PLEKHA4: variants seen among roughly 807,000 people sequenced by gnomAD.
PLEKHA4 encodes the protein pleckstrin homology domain-containing family A member 4.
Under a neutral mutation model 94.7 loss-of-function variants are expected in PLEKHA4, and 73 were observed. The observed-to-expected ratio is 0.77, with a 90% CI of 0.64 to 0.94. The LOEUF is 0.94. Among genes scored for constraint, PLEKHA4 ranks in the 40% least tolerant of loss-of-function variants. The pLI is 0.00. For synonymous variants in PLEKHA4, 449 were observed against 437.1 expected, an observed-to-expected ratio of 1.03 and a Z score of -0.34; for missense variants, 1,049 against 1,054.1, an observed-to-expected ratio of 1.00 and a Z score of 0.07.
chr19:48,848,038 G>A lies in PLEKHA4; in HGVS notation c.1428C>T (p.Asp476=). 6.2e-7 allele frequency: 1 copy of A among 1,613,488 alleles called. No homozygotes were observed. The highest frequency in any genetic ancestry group is 8.5e-7 in the Non-Finnish European group (1 of 1,179,952). ...ACAGCTGCTGCTGAGCAGACACTCT[G>A]TCCTGCAGGGAGGAAAGGAATTTGT... The part of the protein sequence containing the change: ...EYLLHLGSPQ[D]RVSAQQQLWM... Residue 476 remains aspartate (D), a splice_region_variant and synonymous_variant, in exon 14 of 20, where the codon GAC becomes GAT. Coordinates refer to ENST00000263265, the MANE Select transcript of PLEKHA4 (RefSeq NM_020904.3).
Position 48,861,676 on chromosome 19 carries a change from C to T in PLEKHA4, c.209G>A (p.Arg70His), listed in dbSNP as rs540149131. ...GACGAACCAGCGGCGTTTCCAGAGA[C>T]GGAGCCCCGAGCTGTCCTGGGGAGA... is the stretch of plus-strand genomic sequence containing the variant. ...WLHKQDSSGL[R>H]LWKRRWFVLS... Residue 70 changes from arginine (R) to histidine (H), a missense_variant, in exon 4 of 20, where the codon CGT (arginine) becomes CAT (histidine). Coordinates refer to ENST00000263265, the MANE Select transcript of PLEKHA4 (RefSeq NM_020904.3). 59 of 1,614,028 alleles carry T rather than the reference C, an allele frequency of 3.7e-5. No individual in the cohort carries two copies. The highest frequency in any genetic ancestry group is 1.1e-4 in the East Asian group (5 of 44,876).
intron 8 of PLEKHA4, among the ~76,000 whole-genome samples, chr19:48,858,230 A>G (rs551132674): frequency 6.6e-6 from 1 of 152,206 alleles, no homozygotes; most frequent in African/African-American, 2.4e-5. Context: ...CAGGCAACCA[A>G]CTTGCAAGGT....
rs369054628 is a variant in PLEKHA4, at chr19:48,852,350, C to T, written c.1327-24G>A. Reference sequence around the variant, plus strand: ...TCCTCAGGTTGCATAAAGGGGGAGACATAGGTTAGGTCCCTCTCCCACCAG... The same window carrying T: ...TCCTCAGGTTGCATAAAGGGGGAGATATAGGTTAGGTCCCTCTCCCACCAG... On this transcript the variant is annotated intron_variant, in intron 12 of 19. Coordinates refer to ENST00000263265, the MANE Select transcript of PLEKHA4 (RefSeq NM_020904.3). 1.2e-4 allele frequency: 182 copies of T among 1,570,964 alleles called. No individual in the cohort carries two copies. The African/African-American group carries it at 2.2e-3, about 19-fold the overall frequency.
At chr19:48,857,161 C>T (rs73061627) in intron 9 of PLEKHA4, among the ~76,000 whole-genome samples, 23,836 of 151,972 alleles carry the variant, frequency 0.16, 2,133 homozygotes, top group African/African-American at 0.23. Flanking sequence ...ATAAAAGCTC[C>T]TCCTTAGAAC....
rs140457819 is a variant in PLEKHA4, at chr19:48,845,538, C to A, written c.1645G>T (p.Asp549Tyr). 29 of 1,611,288 alleles carry A rather than the reference C, an allele frequency of 1.8e-5. No homozygotes were observed. Among genetic ancestry groups the A allele is most frequent in the Non-Finnish European group, 2.1e-5 (25 of 1,178,406 alleles). ...TCACCTAAGTGAGGGCTGGCGAGGTCTTTGTCGCCTCCAGGAGGCCGCCCC... is the reference window on the plus strand; with the variant it reads ...TCACCTAAGTGAGGGCTGGCGAGGTATTTGTCGCCTCCAGGAGGCCGCCCC... ...DWGRPPGGDK[D>Y]LASPHLGLGS... Residue 549 changes from aspartate to tyrosine, a missense_variant, in exon 15 of 20, where the codon GAC becomes TAC. Transcript: ENST00000263265.
Position 48,858,867 on chromosome 19 carries a change from C to G in PLEKHA4, c.965G>C (p.Arg322Thr). 6.2e-7 allele frequency: 1 copy of G among 1,613,162 alleles called. No homozygotes were observed. Among genetic ancestry groups the G allele is most frequent in the Middle Eastern group, 1.7e-4 (1 of 6,060 alleles). Reference protein sequence around the residue: ...RSPQHWSQEPRTQAHSGSPTY... With the variant: ...RSPQHWSQEPTTQAHSGSPTY... ...TCTCACCTCTCTGCTCACCTGTGTTCTGGGCTCCTGACTCCAGTGCTGGGG... is the reference window on the plus strand; with the variant it reads ...TCTCACCTCTCTGCTCACCTGTGTTGTGGGCTCCTGACTCCAGTGCTGGGG... The change falls in exon 8 of 20, where the codon AGA (arginine) becomes ACA (threonine). Residue 322 changes from arginine to threonine, a missense_variant. Coordinates refer to ENST00000263265, the MANE Select transcript of PLEKHA4 (RefSeq NM_020904.3).
rs566579812 is a variant in PLEKHA4 at position 48,862,013 on chromosome 19, G to T, written c.193-321C>A. On this transcript the variant is annotated intron_variant, in intron 3 of 19. Transcript: ENST00000263265. ...GTGGTGGCGCGTGCCTGTAGCCCCA[G>T]CTACTCCGGAGGCTGAGGAGGGAGG... Among the ~76,000 whole-genome samples the T allele has an allele frequency of 3.5e-3, 531 of 151,466 alleles. 3 individuals carry two copies. Among genetic ancestry groups the T allele is most frequent in the South Asian group, 8.1e-3 (38 of 4,720 alleles).
At chr19:48,856,910 A>AAAAAAG (rs2036437899) in intron 9 of PLEKHA4, among the ~76,000 whole-genome samples, 3 of 132,410 alleles carry the variant, frequency 2.3e-5, no homozygotes, top group African/African-American at 1.0e-4. Flanking sequence ...AAAAAAAAAA[A>AAAAAAG]AAAAAAGAAA....
chr19:48,841,031 G>A, intron 17 of PLEKHA4, 118 bp downstream of exon 17: 1 of 1,097,620 alleles, frequency 9.1e-7, no homozygotes, highest in Non-Finnish European at 1.3e-6. Flanking sequence ...GGTAAATTCG[G>A]AAATCCAGTT....
chr19:48,854,155 A>G (rs1599899995), intron 10 of PLEKHA4, 62 bp downstream of exon 10: 1 of 1,612,688 alleles, frequency 6.2e-7, no homozygotes, highest in Non-Finnish European at 8.5e-7. Context: ...TCCTCCCATC[A>G]TCTAGAACAT....
At chr19:48,863,059 CGCCTCTGCCTGAACTACTCCACTA>C (rs1410846204) in intron 3 of PLEKHA4, among the ~76,000 whole-genome samples, 26 of 151,754 alleles carry the variant, frequency 1.7e-4, no homozygotes, top group African/African-American at 6.1e-4. Context: ...AACTACTCAT[CGCCTCTGCCTGAACTACTCCACTA>C]ACTATCTCCA....
chr19:48,839,609 C>T (rs1195394345), intron 17 of PLEKHA4, among the ~76,000 whole-genome samples: 1 of 151,856 alleles, frequency 6.6e-6, no homozygotes, highest in Non-Finnish European at 1.5e-5. Context: ...TTAGTAGAGA[C>T]AGAGTCTTGC....
In PLEKHA4 at chr19:48,860,344, A is replaced by G. The variant is rs1374859948; in HGVS notation, c.476+6T>C. On this transcript the variant is annotated splice_donor_region_variant and intron_variant, in intron 6 of 19. Coordinates refer to ENST00000263265, the MANE Select transcript of PLEKHA4 (RefSeq NM_020904.3). ...GGTCAGGAGCATGGCTTGGACCTCT[A>G]CTCACTAGTCGTCCCCCTCCGCACG... The G allele has an allele frequency of 1.2e-5, 20 of 1,610,286 alleles. No individual in the cohort carries two copies. The highest frequency in any genetic ancestry group is 1.5e-5 in the Non-Finnish European group (18 of 1,177,300).
rs1599884205 is a variant in PLEKHA4, at chr19:48,848,814, A to G, written c.1426-774T>C. ...ACTGTCTCAAAAAAAAAAAAAAGAA[A>G]AAGAAAAAACTGTCTTTTCTTTCTA... On this transcript the variant is annotated intron_variant, in intron 13 of 19. Transcript: ENST00000263265. 1.3e-5 allele frequency among the ~76,000 whole-genome samples: 2 copies of G among 152,186 alleles called. 1 individual carries two copies. Among genetic ancestry groups the G allele is most frequent in the African/African-American group, 4.8e-5 (2 of 41,542 alleles).
chr19:48,851,354 C>T lies in PLEKHA4; in HGVS notation c.1425+874G>A, dbSNP rs140199565. 3.4e-3 allele frequency among the ~76,000 whole-genome samples: 518 copies of T among 151,836 alleles called. 1 individual carries two copies. The highest frequency in any genetic ancestry group is 0.012 in the African/African-American group (484 of 41,406). On this transcript the variant is annotated intron_variant, in intron 13 of 19. Transcript: ENST00000263265. Reference sequence around the variant, plus strand: ...GTTGTAGGCCGGGCGCAGTGGCTCACGCCTGTAATCCCAGCACTTTGGGAG... The same window carrying T: ...GTTGTAGGCCGGGCGCAGTGGCTCATGCCTGTAATCCCAGCACTTTGGGAG...
chr19:48,837,935 C>G lies in PLEKHA4; in HGVS notation c.2077+82G>C. ...AAAAATTCTCACCGGCCCCCAGACCCCTCCTCTCCAGGACCTGGGATTCCA... is the reference window on the plus strand; with the variant it reads ...AAAAATTCTCACCGGCCCCCAGACCGCTCCTCTCCAGGACCTGGGATTCCA... On this transcript the variant is annotated intron_variant, in intron 19 of 19. Coordinates refer to ENST00000263265, the MANE Select transcript of PLEKHA4 (RefSeq NM_020904.3). This position sits in a 1 kb window ranked among gnomAD's most constrained non-coding sequence, Gnocchi z 4.3. 1 of 1,175,858 alleles carries G rather than the reference C, an allele frequency of 8.5e-7. No individual in the cohort carries two copies. Among genetic ancestry groups the G allele is most frequent in the South Asian group, 1.3e-5 (1 of 76,528 alleles). 72.8% of individuals were successfully genotyped at this position (1,175,858 alleles called of 1,614,324 possible).
At position 48,861,711 on chromosome 19, in the gene PLEKHA4, G is replaced by C; in HGVS notation, c.193-19C>G. 6.2e-7 allele frequency: 1 copy of C among 1,605,002 alleles called. No individual in the cohort carries two copies. Among genetic ancestry groups the C allele is most frequent in the Non-Finnish European group, 8.5e-7 (1 of 1,171,814 alleles). Reference sequence around the variant, plus strand: ...AGCTGTCCTGGGGAGAGAGATGGGAGGAGGGGCCTGAGTAAAGGGAAACAG... The same window carrying C: ...AGCTGTCCTGGGGAGAGAGATGGGACGAGGGGCCTGAGTAAAGGGAAACAG... On this transcript the variant is annotated intron_variant, in intron 3 of 19. Transcript: ENST00000263265.
At chr19:48,838,951 C>T (rs1417246804) in intron 18 of PLEKHA4, among the ~76,000 whole-genome samples, 3 of 151,944 alleles carry the variant, frequency 2.0e-5, no homozygotes, top group Non-Finnish European at 2.9e-5. Context: ...AGTCCACTCG[C>T]GCGTCACTAT....
intron 16 of PLEKHA4, among the ~76,000 whole-genome samples, chr19:48,842,602 C>T (rs185602923): frequency 6.6e-5 from 10 of 152,332 alleles, no homozygotes; most frequent in Admixed American, 6.5e-4. Flanking sequence ...TACCCTGAAA[C>T]TGTGCCCAAC....
Sources: allele counts gnomAD v4.1 joint callset (sites outside exome capture counted in the v4.1 genomes callset), GRCh38; gene constraint gnomAD v4.1.1; non-coding constraint Gnocchi (gnomAD v3.1); transcripts MANE v1.5; gene names NCBI Gene and HGNC (gene_info 2026-07-23, HGNC 2026-07-21).